FANCC: variants seen among roughly 807,000 people sequenced by gnomAD.
The protein encoded by FANCC is FA complementation group C, also known as Fanconi anemia group C protein.
Under a neutral mutation model 71.3 loss-of-function variants are expected in FANCC, and 55 were observed. The observed-to-expected ratio is 0.77, with a 90% CI of 0.62 to 0.97. The LOEUF (loss-of-function observed/expected upper bound fraction) is 0.97. Among genes scored for constraint, FANCC ranks in the 50% least tolerant of loss-of-function variants. The pLI is 0.00. For synonymous variants in FANCC, 275 were observed against 244.9 expected, an observed-to-expected ratio of 1.12 and a Z score of -1.15; for missense variants, 678 against 670.9, an observed-to-expected ratio of 1.01 and a Z score of -0.12.
At chr9:95,117,029 C>T (rs1202586491) in intron 11 of FANCC, among the ~76,000 whole-genome samples, 2 of 152,232 alleles carry the variant, frequency 1.3e-5, no homozygotes, top group Non-Finnish European at 2.9e-5. Flanking sequence ...ATCTGGTTGG[C>T]ACCAGAAGAG....
chr9:95,139,046 G>A (rs1346546451), intron 7 of FANCC, among the ~76,000 whole-genome samples: 7 of 152,146 alleles, frequency 4.6e-5, no homozygotes, highest in African/African-American at 1.4e-4. Flanking sequence ...TGAAGGAATC[G>A]CCGAAGCAGT....
intron 1 of FANCC, among the ~76,000 whole-genome samples, chr9:95,304,749 CAAAAAAAAAAAAAAA>C (rs35105777): frequency 2.2e-5 from 1 of 44,486 alleles, no homozygotes; most frequent in Non-Finnish European, 4.4e-5. Flanking sequence ...GACTCTATCT[CAAAAAAAAAAAAAAA>C]AAAAAAAAAA....
rs55719336 is a variant in FANCC at position 95,135,373 on chromosome 9, G to C, written c.816C>G (p.Ile272Met). Residue 272 changes from isoleucine to methionine, a missense_variant, in exon 8 of 15, where the codon ATC becomes ATG. Physicochemically the swap from Ile to Met is conservative, Grantham distance 10. Transcript: ENST00000289081. Reference sequence around the variant, plus strand: ...GCGATGAATCTTTTATAAAGCATTCGATCCTTCTCAGACAATTTCTCTCAC... The same window carrying C: ...GCGATGAATCTTTTATAAAGCATTCCATCCTTCTCAGACAATTTCTCTCAC... The part of the protein sequence containing the change: ...ISSERNCLRR[I>M]ECFIKDSSLP... 1 of 1,613,888 alleles carries C rather than the reference G, an allele frequency of 6.2e-7. No homozygotes were observed.
chr9:95,252,777 C>G (rs1476377599), intron 1 of FANCC, among the ~76,000 whole-genome samples: 1 of 145,164 alleles, frequency 6.9e-6, no homozygotes, highest in Non-Finnish European at 1.5e-5. Context: ...AGGCCTGGAA[C>G]AGTGGCTCAT....
At chr9:95,306,160 G>C (rs1452803936) in intron 1 of FANCC, among the ~76,000 whole-genome samples, 1 of 152,174 alleles carries the variant, frequency 6.6e-6, no homozygotes. Flanking sequence ...TACAATAAAT[G>C]CATCAAGGAC....
chr9:95,123,857 A>AGATCT, intron 10 of FANCC: 19 of 599,694 alleles, frequency 3.2e-5, no homozygotes, highest in South Asian at 7.2e-5. Context: ...ACCCCCACCA[A>AGATCT]AGCCCACGTA....
At chr9:95,109,799 T>TTCAA (rs1452056904) in intron 13 of FANCC, 4 of 152,282 alleles carry the variant, frequency 2.6e-5, no homozygotes, top group Non-Finnish European at 5.9e-5. Context: ...CTAATTTCAA[T>TTCAA]TCAATCACAT....
intron 1 of FANCC, among the ~76,000 whole-genome samples, chr9:95,305,208 T>C (rs1370888933): frequency 1.3e-5 from 2 of 152,182 alleles, no homozygotes; most frequent in African/African-American, 2.4e-5. Context: ...CATACAGCCA[T>C]GCACAAAGAA....
chr9:95,239,352 T>C (rs1170468331), intron 4 of FANCC, among the ~76,000 whole-genome samples: 2 of 152,180 alleles, frequency 1.3e-5, no homozygotes, highest in African/African-American at 2.4e-5. Context: ...TAAGTAGATA[T>C]AGTATTAAAC....
chr9:95,293,532 G>C, intron 1 of FANCC: 1 of 1,607,218 alleles, frequency 6.2e-7, no homozygotes, highest in Non-Finnish European at 8.5e-7. Context: ...TACTTTACAA[G>C]AACTAGGGAA....
In FANCC at chr9:95,162,035, T is replaced by C. The variant is rs574543807; in HGVS notation, c.521+9044A>G. On this transcript the variant is annotated intron_variant, in intron 6 of 14. Coordinates refer to ENST00000289081, the MANE Select transcript of FANCC (RefSeq NM_000136.3). The stretch of plus-strand genomic sequence containing the variant: ...TTTTGTATTTTTAGTAGAGATGGAG[T>C]TTCGCCGTGTTGGCCAGGCTGGTCT... Among the ~76,000 whole-genome samples, 52 of 152,220 alleles carry C rather than the reference T, an allele frequency of 3.4e-4. No individual in the cohort carries two copies. The South Asian group carries it at 5.6e-3, about 16-fold the overall frequency.
At chr9:95,180,645 T>TA (rs1826291610) in intron 4 of FANCC, among the ~76,000 whole-genome samples, 2 of 152,068 alleles carry the variant, frequency 1.3e-5, no homozygotes, top group Non-Finnish European at 2.9e-5. Context: ...GGCCAACTTT[T>TA]TTTTTTTTTA....
chr9:95,150,212 G>A (rs1438854632), intron 6 of FANCC, 125 bp from the exon 7 acceptor site: 4 of 884,076 alleles, frequency 4.5e-6, no homozygotes, highest in Non-Finnish European at 7.4e-6. Flanking sequence ...TAAAGAGAAT[G>A]ACTCTAACAC....
chr9:95,177,463 A>G lies in FANCC; in HGVS notation c.346-5316T>C, dbSNP rs1826083571. 2.0e-5 allele frequency among the ~76,000 whole-genome samples: 3 copies of G among 152,188 alleles called. No individual in the cohort carries two copies. The South Asian group carries it at 6.2e-4, about 32-fold the overall frequency. On this transcript the variant is annotated intron_variant, in intron 4 of 14. Transcript: ENST00000289081. Reference sequence around the variant, plus strand: ...AGACACTGTACACTTAGGCTACACTAAATTCTTAAAAACTTGTTTCTTTCT... The same window carrying G: ...AGACACTGTACACTTAGGCTACACTGAATTCTTAAAAACTTGTTTCTTTCT...
chr9:95,108,134 G>T (rs1277250462), intron 13 of FANCC, among the ~76,000 whole-genome samples: 1 of 152,226 alleles, frequency 6.6e-6, no homozygotes, highest in Non-Finnish European at 1.5e-5. Context: ...GATTTTGTGT[G>T]AGGCGTTTTT....
At chr9:95,294,743 T>G (rs1023395545) in intron 1 of FANCC, 1 of 1,601,146 alleles carries the variant, frequency 6.2e-7, no homozygotes, top group African/African-American at 1.3e-5. Flanking sequence ...TGGAACATGA[T>G]GGAGTCTCAG....
At position 95,171,132 on chromosome 9, in the gene FANCC, T is replaced by C. The variant is rs148616725; in HGVS notation, c.468A>G (p.Ser156=). Reference sequence around the variant, plus strand: ...GATTCTCTCTGAGTTCAGACGCTAATGATAAAACCATCTGTAAAACAAAAT... The same window carrying C: ...GATTCTCTCTGAGTTCAGACGCTAACGATAAAACCATCTGTAAAACAAAAT... ...YPGLLKNMVL[S]LASELRENHL... is the part of the protein sequence containing the mutation. The change falls in exon 6 of 15, where the codon TCA becomes TCG. Residue 156 remains serine (S), a synonymous_variant. Transcript: ENST00000289081. 1.4e-5 allele frequency: 22 copies of C among 1,613,000 alleles called. No individual in the cohort carries two copies. Among genetic ancestry groups the C allele is most frequent in the Non-Finnish European group, 1.7e-5 (20 of 1,179,272 alleles).
chr9:95,238,536 AT>A (rs1830449561), intron 4 of FANCC, among the ~76,000 whole-genome samples: 1 of 151,544 alleles, frequency 6.6e-6, no homozygotes, highest in Non-Finnish European at 1.5e-5. Flanking sequence ...CACTGGCTAC[AT>A]GATATCTCTG....
At chr9:95,215,836 G>C (rs1828833490) in intron 4 of FANCC, among the ~76,000 whole-genome samples, 2 of 152,236 alleles carry the variant, frequency 1.3e-5, no homozygotes, top group South Asian at 4.1e-4. Context: ...CCCAGATGCT[G>C]AATCCTGCCA....
Sources: allele counts gnomAD v4.1 joint callset (sites outside exome capture counted in the v4.1 genomes callset), GRCh38; gene constraint gnomAD v4.1.1; transcripts MANE v1.5; gene names NCBI Gene and HGNC (gene_info 2026-07-23, HGNC 2026-07-21).